The following NRXN3 variants were observed in gnomAD, a reference collection of about 807,000 sequenced individuals.
The protein encoded by NRXN3 is neurexin 3, also known as neurexin III.
In NRXN3, 32 loss-of-function variants were observed where a neutral mutation model predicts 137.6. The ratio of observed to expected loss-of-function variants is 0.23; its 90% CI spans 0.18 to 0.31. The LOEUF (loss-of-function observed/expected upper bound fraction) is 0.31. NRXN3 is among the 10% of genes least tolerant of loss of function. The pLI is 1.00. For missense variants in NRXN3, 1,574 were observed against 2,062.5 expected, an observed-to-expected ratio of 0.76 and a Z score of 4.59; for synonymous variants, 798 against 784.5, an observed-to-expected ratio of 1.02 and a Z score of -0.29.
At chr14:79,639,085 C>A (rs577490942) in intron 16 of NRXN3, among the ~76,000 whole-genome samples, 4 of 152,244 alleles carry the variant, frequency 2.6e-5, no homozygotes, top group South Asian at 2.1e-4. Context: ...TACTCCCACC[C>A]TCTCCGTCTT....
Position 78,835,503 on chromosome 14 carries a change from C to A in NRXN3, c.2275+25159C>A, listed in dbSNP as rs143327506. On this transcript the variant is annotated intron_variant, in intron 10 of 20. Transcript: ENST00000335750. ...TTGTGGGGCATCTGTGTTCTTTGTA[C>A]ACTATGCTCTGGGCACTTGGCATCC... Among the ~76,000 whole-genome samples the A allele has an allele frequency of 4.9e-4, 75 of 152,296 alleles. 1 individual carries two copies. Among genetic ancestry groups the A allele is most frequent in the African/African-American group, 1.8e-3 (74 of 41,560 alleles).
At chr14:78,506,545 G>T (rs1008226756) in intron 4 of NRXN3, among the ~76,000 whole-genome samples, 12 of 151,676 alleles carry the variant, frequency 7.9e-5, no homozygotes, top group Admixed American at 7.9e-4. Flanking sequence ...GTATACAGGG[G>T]GTCCAATTTC....
intron 4 of NRXN3, among the ~76,000 whole-genome samples, chr14:78,474,786 A>G (rs1230777359): frequency 6.6e-6 from 1 of 152,246 alleles, no homozygotes; most frequent in Non-Finnish European, 1.5e-5. Flanking sequence ...TTGGAAGATT[A>G]TCATTATACT....
chr14:79,348,323 A>C (rs546311925), intron 15 of NRXN3, among the ~76,000 whole-genome samples: 53 of 152,050 alleles, frequency 3.5e-4, no homozygotes, highest in Non-Finnish European at 5.4e-4. Flanking sequence ...AGAGAGCTGA[A>C]ATTTTAAAAA....
At chr14:79,560,504 CTT>C (rs34025659) in intron 16 of NRXN3, among the ~76,000 whole-genome samples, 12 of 43,766 alleles carry the variant, frequency 2.7e-4, no homozygotes, top group Admixed American at 2.1e-3. Context: ...AGATTGTAAG[CTT>C]TTTTTTTTTT....
At chr14:78,533,721 A>G (rs2096499093) in intron 4 of NRXN3, among the ~76,000 whole-genome samples, 3 of 152,134 alleles carry the variant, frequency 2.0e-5, no homozygotes, top group Admixed American at 6.5e-5. Context: ...GCTCGATATC[A>G]TCTCTCCAGG....
intron 4 of NRXN3, among the ~76,000 whole-genome samples, chr14:78,375,102 A>G (rs1393901322): frequency 6.6e-6 from 1 of 152,252 alleles, no homozygotes; most frequent in Admixed American, 6.5e-5. Flanking sequence ...ACTTCATGGT[A>G]GCAAGGACTC....
At chr14:78,985,624 T>C (rs980892717) in intron 14 of NRXN3, among the ~76,000 whole-genome samples, 1 of 152,200 alleles carries the variant, frequency 6.6e-6, no homozygotes, top group African/African-American at 2.4e-5. Flanking sequence ...ATTCAAAGAA[T>C]TATTGTGTTT....
At chr14:79,138,463 C>T (rs1336790562) in intron 15 of NRXN3, among the ~76,000 whole-genome samples, 7 of 152,336 alleles carry the variant, frequency 4.6e-5, no homozygotes, top group Admixed American at 3.9e-4. Context: ...AAGTATCAGA[C>T]ATGTATGTTC....
chr14:79,834,276 C>T (rs1433644241), intron 20 of NRXN3, among the ~76,000 whole-genome samples: 1 of 83,472 alleles, frequency 1.2e-5, no homozygotes, highest in African/African-American at 4.5e-5. Flanking sequence ...ATGCTGGATT[C>T]CACCTGGAGC....
At chr14:79,348,634 C>T (rs746948496) in intron 15 of NRXN3, among the ~76,000 whole-genome samples, 51 of 152,144 alleles carry the variant, frequency 3.4e-4, no homozygotes, top group Non-Finnish European at 7.4e-5. Context: ...ACCTCGGCCT[C>T]CCAAAGTGCT....
chr14:78,866,686 G>A (rs2099087562), intron 10 of NRXN3, among the ~76,000 whole-genome samples: 1 of 151,140 alleles, frequency 6.6e-6, no homozygotes, highest in Non-Finnish European at 1.5e-5. Context: ...GGTTATCCTT[G>A]TATGATCAAA....
intron 2 of NRXN3, among the ~76,000 whole-genome samples, chr14:78,254,434 A>G (rs1043749810): frequency 2.0e-5 from 3 of 152,158 alleles, no homozygotes; most frequent in Non-Finnish European, 4.4e-5. Flanking sequence ...TAATCCCAGC[A>G]CTTTGGGAGG....
At chr14:79,410,948 A>G (rs1408174250) in intron 15 of NRXN3, among the ~76,000 whole-genome samples, 1 of 152,066 alleles carries the variant, frequency 6.6e-6, no homozygotes, top group Non-Finnish European at 1.5e-5. Context: ...TTGGGGGGGA[A>G]GATGTAGGGA....
chr14:78,272,912 A>G (rs897828608), intron 2 of NRXN3, among the ~76,000 whole-genome samples: 1 of 152,184 alleles, frequency 6.6e-6, no homozygotes, highest in Non-Finnish European at 1.5e-5. Context: ...AATCAATCTT[A>G]TCTGGCTGTA....
intron 15 of NRXN3, among the ~76,000 whole-genome samples, chr14:79,112,980 A>G (rs2053806595): frequency 6.6e-6 from 1 of 152,182 alleles, no homozygotes; most frequent in African/African-American, 2.4e-5. Context: ...ACATTGTACA[A>G]TGGAGTGATA....
chr14:79,520,282 G>T (rs1360518503), intron 16 of NRXN3, among the ~76,000 whole-genome samples: 1 of 152,002 alleles, frequency 6.6e-6, no homozygotes, highest in African/African-American at 2.4e-5. Context: ...AAATTTAATT[G>T]TTTTATTTAT....
chr14:79,346,214 G>T (rs1490966007), intron 15 of NRXN3, among the ~76,000 whole-genome samples: 2 of 152,154 alleles, frequency 1.3e-5, no homozygotes, highest in Non-Finnish European at 2.9e-5. Context: ...GAGGTCAGGA[G>T]TCCCAGGTCA....
At chr14:79,253,409 G>T (rs1247980375) in intron 15 of NRXN3, among the ~76,000 whole-genome samples, 2 of 152,138 alleles carry the variant, frequency 1.3e-5, no homozygotes, top group Non-Finnish European at 2.9e-5. Flanking sequence ...CTAGAAATCT[G>T]ACATATGCGA....
Sources: allele counts gnomAD v4.1 joint callset (sites outside exome capture counted in the v4.1 genomes callset), GRCh38; gene constraint gnomAD v4.1.1; transcripts MANE v1.5; gene names NCBI Gene and HGNC (gene_info 2026-07-23, HGNC 2026-07-21).